The following PCDHGA8 variants were observed in gnomAD, a reference collection of about 807,000 sequenced individuals.
PCDHGA8 encodes protocadherin gamma-A8.
Under a neutral mutation model 59.2 loss-of-function variants are expected in PCDHGA8, and 45 were observed. That is an observed-to-expected ratio of 0.76 (90% confidence interval 0.60 to 0.98). PCDHGA8 has a LOEUF of 0.98. PCDHGA8 is among the 50% of genes least tolerant of loss of function. The pLI is 0.00. For missense variants in PCDHGA8, 1,257 were observed against 1,196.2 expected (o/e 1.05, Z -0.75); for synonymous variants, 531 against 519.0 (o/e 1.02, Z -0.32).
intron 1 of PCDHGA8, among the ~76,000 whole-genome samples, chr5:141,438,606 A>G: frequency 3.6e-5 from 1 of 27,780 alleles, no homozygotes; most frequent in African/African-American, 2.7e-4. Flanking sequence ...ATATATATAT[A>G]TATATATATA....
chr5:141,394,500 C>T lies in PCDHGA8; in HGVS notation c.1687C>T (p.Leu563=). ...LDQNDNAPEI[L]YPALPTDGST... ...CCAGAATGACAACGCGCCCGAGATC[C>T]TGTACCCCGCCCTCCCCACAGACGG... is the stretch of plus-strand genomic sequence containing the variant. Residue 563 remains leucine (L), a synonymous_variant, in exon 1 of 4, where the codon CTG becomes TTG. Transcript: ENST00000398604. The T allele has an allele frequency of 1.2e-6, 2 of 1,614,242 alleles. No individual in the cohort carries two copies. Among genetic ancestry groups the T allele is most frequent in the Non-Finnish European group, 8.5e-7 (1 of 1,180,044 alleles).
intron 1 of PCDHGA8, chr5:141,478,865 T>G: frequency 7.5e-7 from 1 of 1,326,190 alleles, no homozygotes; most frequent in Non-Finnish European, 1.0e-6. Context: ...ATCTCAGCGA[T>G]CAGAGTTTAG....
intron 1 of PCDHGA8, chr5:141,418,301 C>T: frequency 6.2e-7 from 1 of 1,613,980 alleles, no homozygotes; most frequent in South Asian, 1.1e-5. Context: ...ATCCGTCAGC[C>T]TGGGGATGGG....
intron 1 of PCDHGA8, chr5:141,405,463 A>C: frequency 8.5e-7 from 1 of 1,181,354 alleles, no homozygotes. Flanking sequence ...TCTGTTACCC[A>C]GGCTGGAATG....
rs570765907 is a variant in PCDHGA8, at chr5:141,414,583, G to T, written c.2424+19346G>T. The T allele has an allele frequency of 5.6e-6, 9 of 1,613,854 alleles. No individual in the cohort carries two copies. In the South Asian group the frequency reaches 8.8e-5, roughly 16 times the overall value. On this transcript the variant is annotated intron_variant, in intron 1 of 3. Coordinates refer to ENST00000398604, the MANE Select transcript of PCDHGA8 (RefSeq NM_032088.2). Reference sequence around the variant, plus strand: ...CTTTACCTATATCCCAGAGAACAACGCCAGGGGTGCCTCCATCTTCTCAGT... The same window carrying T: ...CTTTACCTATATCCCAGAGAACAACTCCAGGGGTGCCTCCATCTTCTCAGT...
At position 141,397,472 on chromosome 5, in the gene PCDHGA8, A is replaced by T. The variant is rs548612657; in HGVS notation, c.2424+2235A>T. 6.6e-4 allele frequency among the ~76,000 whole-genome samples: 100 copies of T among 152,362 alleles called. 1 individual carries two copies. Among genetic ancestry groups the T allele is most frequent in the African/African-American group, 2.4e-3 (99 of 41,586 alleles). ...AACACTAGAAATATTGGGGAGTTGG[A>T]AATCATAGAAATGAACAGAAGAATG... On this transcript the variant is annotated intron_variant, in intron 1 of 3. Coordinates refer to ENST00000398604, the MANE Select transcript of PCDHGA8 (RefSeq NM_032088.2).
At chr5:141,426,398 C>A (rs1264385461) in intron 1 of PCDHGA8, 3 of 257,270 alleles carry the variant, frequency 1.2e-5, no homozygotes, top group Non-Finnish European at 2.3e-5. Context: ...TACTCTATTC[C>A]AGAAGAAACG....
intron 1 of PCDHGA8, chr5:141,440,034 A>T (rs995962283): frequency 6.5e-6 from 1 of 153,052 alleles, no homozygotes; most frequent in African/African-American, 2.4e-5. Context: ...AGTGTCGAGG[A>T]CATGCCCACT....
Position 141,432,943 on chromosome 5 carries a change from A to G in PCDHGA8, c.2424+37706A>G, listed in dbSNP as rs1200038728. ...ACAAGTCACGCCTGCTGCAGGCTTC[A>G]GGAGGCGGCTTGACAGGAGCGCCGG... On this transcript the variant is annotated intron_variant, in intron 1 of 3. Transcript: ENST00000398604. This position sits in a 1 kb window ranked among gnomAD's most constrained non-coding sequence, Gnocchi z 6.0. 5.6e-6 allele frequency: 9 copies of G among 1,614,168 alleles called. No homozygotes were observed. The highest frequency in any genetic ancestry group is 1.7e-4 in the Middle Eastern group (1 of 6,060).
At chr5:141,418,248 C>G (rs372067603) in intron 1 of PCDHGA8, 1 of 1,614,000 alleles carries the variant, frequency 6.2e-7, no homozygotes, top group Admixed American at 1.7e-5. Context: ...AATGACCACG[C>G]CCCTCAATTC....
At chr5:141,395,542 T>TTGTTTGTTTG (rs1267535064) in intron 1 of PCDHGA8, 1 of 168,708 alleles carries the variant, frequency 5.9e-6, no homozygotes, top group African/African-American at 5.7e-5. Context: ...TTGCTATTGT[T>TTGTTTGTTTG]TGTGTGTGTG....
intron 1 of PCDHGA8, chr5:141,423,640 T>C: frequency 6.3e-7 from 1 of 1,597,848 alleles, no homozygotes; most frequent in Non-Finnish European, 8.5e-7. Flanking sequence ...TTTAGGCAAA[T>C]GTGACCCGAC....
intron 1 of PCDHGA8, chr5:141,403,867 A>C (rs755401788): frequency 1.1e-5 from 17 of 1,613,606 alleles, no homozygotes; most frequent in Admixed American, 3.3e-5. Flanking sequence ...CAACAGCAAA[A>C]AGTCTAGATT....
At chr5:141,446,079 A>T (rs2098487021) in intron 1 of PCDHGA8, among the ~76,000 whole-genome samples, 1 of 152,234 alleles carries the variant, frequency 6.6e-6, no homozygotes, top group Non-Finnish European at 1.5e-5. Context: ...CAGTGGATGT[A>T]GAAATAAATG....
intron 1 of PCDHGA8, chr5:141,418,003 G>T (rs1441842557): frequency 6.2e-7 from 1 of 1,613,798 alleles, no homozygotes; most frequent in Non-Finnish European, 8.5e-7. Context: ...CGGTGGTGGG[G>T]AACCTCGCTA....
At chr5:141,409,893 A>G in intron 1 of PCDHGA8, 2 of 1,613,138 alleles carry the variant, frequency 1.2e-6, no homozygotes, top group Middle Eastern at 3.3e-4. Flanking sequence ...CGGGTGCTGT[A>G]CCCAGCTCTG....
chr5:141,392,704 G>A lies in PCDHGA8; in HGVS notation c.-110G>A. ...CAGCGAAACCCGACCCCTGTTTGGA[G>A]GCACTCCAGGTTTCCGGAGGATTGT... On this transcript the variant is annotated 5_prime_UTR_variant, in exon 1 of 4. Coordinates refer to ENST00000398604, the MANE Select transcript of PCDHGA8 (RefSeq NM_032088.2). The A allele has an allele frequency of 7.8e-7, 1 of 1,281,856 alleles. No homozygotes were observed. Among genetic ancestry groups the A allele is most frequent in the East Asian group, 2.6e-5 (1 of 38,106 alleles). 79.4% of individuals were successfully genotyped at this position (1,281,856 alleles called of 1,614,324 possible). A position where few individuals can be genotyped will look rare whatever the true frequency, so the allele number is the denominator to read the frequency against.
In PCDHGA8 at chr5:141,489,801, T is replaced by C. The variant is rs201458939; in HGVS notation, c.2425-5006T>C. 6.2e-7 allele frequency: 1 copy of C among 1,614,148 alleles called. No homozygotes were observed. On this transcript the variant is annotated intron_variant, in intron 1 of 3. Coordinates refer to ENST00000398604, the MANE Select transcript of PCDHGA8 (RefSeq NM_032088.2). The surrounding 1 kb of genome is among the most constrained non-coding windows in gnomAD (Gnocchi z 4.5). The stretch of plus-strand genomic sequence containing the variant: ...CTCTGAATGTGAAGACCCTAAAAGA[T>C]GGGAAGCCATTCCCAGAGCTGGTGC...
At position 141,487,534 on chromosome 5, in the gene PCDHGA8, G is replaced by T; in HGVS notation, c.2425-7273G>T. The T allele has an allele frequency of 6.2e-7, 1 of 1,614,174 alleles. No homozygotes were observed. The highest frequency in any genetic ancestry group is 8.5e-7 in the Non-Finnish European group (1 of 1,180,034). ...CCACTCGGAGTGATAGCTTCATGAT[G>T]GTGAAGTCACCCAGTGCACCTATGG... On this transcript the variant is annotated intron_variant, in intron 1 of 3. Coordinates refer to ENST00000398604, the MANE Select transcript of PCDHGA8 (RefSeq NM_032088.2). This position sits in a 1 kb window ranked among gnomAD's most constrained non-coding sequence, Gnocchi z 5.0.
Sources: gnomAD v4.1 joint callset for allele counts (sites outside exome capture counted in the v4.1 genomes callset) on GRCh38, gnomAD v4.1.1 for gene constraint, Gnocchi (gnomAD v3.1) non-coding constraint, MANE v1.5 for transcripts, NCBI Gene and HGNC (gene_info 2026-07-23, HGNC 2026-07-21) for gene names.